The following KCNH5 variants were observed in gnomAD, a reference collection of about 807,000 sequenced individuals.
KCNH5 encodes potassium voltage-gated channel subfamily H member 5.
A neutral mutation model predicts 96.1 loss-of-function variants in KCNH5; 46 were observed. The observed-to-expected ratio is 0.48, with a 90% CI of 0.38 to 0.61. The LOEUF is 0.61. Ranked by LOEUF, KCNH5 falls within the 20% of genes least tolerant of loss-of-function variation. KCNH5 has a pLI of 0.00. For synonymous variants in KCNH5, 439 were observed against 449.8 expected, an observed-to-expected ratio of 0.98 and a Z score of 0.30; for missense variants, 907 against 1,225.8, an observed-to-expected ratio of 0.74 and a Z score of 3.88.
chr14:62,849,715 C>T lies in KCNH5; in HGVS notation c.1507G>A (p.Glu503Lys). The T allele has an allele frequency of 6.2e-7, 1 of 1,613,918 alleles. No homozygotes were observed. Among genetic ancestry groups the T allele is most frequent in the Non-Finnish European group, 8.5e-7 (1 of 1,179,862 alleles). Residue 503 changes from glutamate to lysine, a missense_variant, in exon 8 of 11, where the codon GAG (glutamate) becomes AAG (lysine). Coordinates refer to ENST00000322893, the MANE Select transcript of KCNH5 (RefSeq NM_139318.5). ...KLYQVPKGLSERVMDYIVSTW... is the reference protein window; with the variant it reads ...KLYQVPKGLSKRVMDYIVSTW... Reference sequence around the variant, plus strand: ...GAGACAATATAATCCATGACTCGCTCACTAAGGCCTTTTGGGACCTGATAG... The same window carrying T: ...GAGACAATATAATCCATGACTCGCTTACTAAGGCCTTTTGGGACCTGATAG...
intron 10 of KCNH5, among the ~76,000 whole-genome samples, chr14:62,757,390 C>CA (rs1885646176): frequency 6.6e-6 from 1 of 152,010 alleles, no homozygotes; most frequent in Admixed American, 6.5e-5. Flanking sequence ...GGAGGCTCCT[C>CA]AAAAAACTAA....
chr14:62,796,701 C>T (rs1047203165), intron 9 of KCNH5, among the ~76,000 whole-genome samples: 2 of 152,168 alleles, frequency 1.3e-5, no homozygotes, highest in Non-Finnish European at 2.9e-5. Context: ...GCACCCGTGA[C>T]ACATCCTCAG....
intron 8 of KCNH5, among the ~76,000 whole-genome samples, chr14:62,814,812 G>A (rs144207889): frequency 0.16 from 7,082 of 45,624 alleles, no homozygotes; most frequent in South Asian, 0.21. Context: ...AAAAAAAAAA[G>A]AATGAGTCAC....
intron 6 of KCNH5, among the ~76,000 whole-genome samples, chr14:62,965,306 C>T (rs376296076): frequency 6.6e-6 from 1 of 151,950 alleles, no homozygotes; most frequent in African/African-American, 2.4e-5. Flanking sequence ...CTCTTATGAA[C>T]GTCTTCATAC....
intron 7 of KCNH5, among the ~76,000 whole-genome samples, chr14:62,860,259 T>C (rs555597820): frequency 2.6e-5 from 4 of 152,138 alleles, no homozygotes; most frequent in Non-Finnish European, 4.4e-5. Context: ...CTGTGATTCA[T>C]CTATGGGGGC....
intron 8 of KCNH5, among the ~76,000 whole-genome samples, chr14:62,813,937 A>C (rs935146883): frequency 6.6e-6 from 1 of 152,206 alleles, no homozygotes; most frequent in African/African-American, 2.4e-5. Context: ...AGCAAAAGGA[A>C]GTTGCTCTCT....
chr14:62,926,787 T>A (rs1889484536), intron 7 of KCNH5, among the ~76,000 whole-genome samples: 1 of 152,086 alleles, frequency 6.6e-6, no homozygotes, highest in African/African-American at 2.4e-5. Flanking sequence ...GCCCTGTATC[T>A]CATACAGTCA....
At chr14:63,034,044 G>A (rs545137023) in intron 1 of KCNH5, among the ~76,000 whole-genome samples, 6 of 151,994 alleles carry the variant, frequency 3.9e-5, no homozygotes, top group South Asian at 2.1e-4. Flanking sequence ...CTCAGCCTCC[G>A]GAGTAGCTGG....
intron 9 of KCNH5, among the ~76,000 whole-genome samples, chr14:62,799,302 C>T (rs1234034647): frequency 1.3e-5 from 2 of 151,926 alleles, no homozygotes; most frequent in East Asian, 1.9e-4. Flanking sequence ...TAAAGTTGGG[C>T]GCGGTGGCTG....
At chr14:62,740,028 C>T (rs7141875) in intron 10 of KCNH5, among the ~76,000 whole-genome samples, 82,656 of 151,904 alleles carry the variant, frequency 0.54, 23,429 homozygotes, top group African/African-American at 0.69. Context: ...GACAGACAAA[C>T]ATAGACCATA....
intron 8 of KCNH5, among the ~76,000 whole-genome samples, chr14:62,819,155 A>G (rs1366709443): frequency 3.9e-5 from 6 of 152,058 alleles, no homozygotes; most frequent in Non-Finnish European, 7.4e-5. Context: ...TTTCGTAGAG[A>G]CAGGGTTTCA....
chr14:62,777,724 G>A (rs1232095757), intron 10 of KCNH5, among the ~76,000 whole-genome samples: 1 of 152,158 alleles, frequency 6.6e-6, no homozygotes, highest in African/African-American at 2.4e-5. Flanking sequence ...ATGGAGACAG[G>A]CACAGCGTTT....
At chr14:63,020,269 A>T (rs1052670087) in intron 1 of KCNH5, among the ~76,000 whole-genome samples, 1 of 152,166 alleles carries the variant, frequency 6.6e-6, no homozygotes, top group Non-Finnish European at 1.5e-5. Context: ...GTAAAGTTAA[A>T]TATGTATCTA....
chr14:62,944,595 G>A (rs889077834), intron 7 of KCNH5, among the ~76,000 whole-genome samples: 1 of 151,908 alleles, frequency 6.6e-6, no homozygotes, highest in Non-Finnish European at 1.5e-5. Flanking sequence ...TGTTTTCCTT[G>A]GTGTTCTTGT....
At chr14:62,892,627 G>C (rs771868876) in intron 7 of KCNH5, among the ~76,000 whole-genome samples, 48 of 152,152 alleles carry the variant, frequency 3.2e-4, no homozygotes, top group Non-Finnish European at 4.9e-4. Flanking sequence ...GAGAAGTCAT[G>C]TCTGGCTTCA....
At chr14:62,926,531 T>C (rs1242889478) in intron 7 of KCNH5, among the ~76,000 whole-genome samples, 7 of 151,988 alleles carry the variant, frequency 4.6e-5, no homozygotes, top group Admixed American at 2.0e-4. Flanking sequence ...AAAGACTGAG[T>C]GGCTTGAACA....
intron 10 of KCNH5, among the ~76,000 whole-genome samples, chr14:62,711,917 G>A (rs7141353): frequency 0.91 from 138,957 of 152,226 alleles, 64,577 homozygotes; most frequent in East Asian, 1. Flanking sequence ...GCAGTTGGAC[G>A]TGACTAGCTC....
intron 1 of KCNH5, among the ~76,000 whole-genome samples, chr14:63,034,168 T>G (rs934268776): frequency 6.6e-6 from 1 of 152,188 alleles, no homozygotes; most frequent in African/African-American, 2.4e-5. Flanking sequence ...TCCGCCTGCC[T>G]CGGCCTTCCA....
At chr14:63,027,423 A>T (rs116342800) in intron 1 of KCNH5, among the ~76,000 whole-genome samples, 2,175 of 151,792 alleles carry the variant, frequency 0.014, 52 homozygotes, top group African/African-American at 0.049. Flanking sequence ...CAATGTAGAC[A>T]TATATCAAAG....
Sources: gnomAD v4.1 joint callset for allele counts (sites outside exome capture counted in the v4.1 genomes callset) on GRCh38, gnomAD v4.1.1 for gene constraint, MANE v1.5 for transcripts, NCBI Gene and HGNC (gene_info 2026-07-23, HGNC 2026-07-21) for gene names.